Variants in NRXN1 observed in about 807,000 individuals in gnomAD.
NRXN1 encodes the protein neurexin 1, also known as neurexin-1.
NRXN1 carries 39 observed loss-of-function variants against 150.9 expected under a neutral mutation model. The observed-to-expected ratio is 0.26, with a 90% CI of 0.20 to 0.34. NRXN1 has a LOEUF of 0.34. Ranked by LOEUF, NRXN1 falls within the 10% of genes least tolerant of loss-of-function variation. The pLI is 1.00. For missense variants in NRXN1, 1,815 were observed against 1,949.9 expected, an observed-to-expected ratio of 0.93 and a Z score of 1.30; for synonymous variants, 924 against 757.0, an observed-to-expected ratio of 1.22 and a Z score of -3.62.
chr2:50,244,923 G>GA (rs146117173), intron 17 of NRXN1, among the ~76,000 whole-genome samples: 1,528 of 151,738 alleles, frequency 0.01, 25 homozygotes, highest in African/African-American at 0.035. Context: ...AAGATTATCA[G>GA]AAAAAAATGA....
rs77311774 is a variant in NRXN1, at chr2:50,241,297, A to G, written c.3365-4327T>C. 2.8e-4 allele frequency among the ~76,000 whole-genome samples: 43 copies of G among 151,902 alleles called. 1 individual carries two copies. In the East Asian group the frequency reaches 8.1e-3, roughly 29 times the overall value. The stretch of plus-strand genomic sequence containing the variant: ...TGCCAGCTAGCTTTTTAAAAATTTT[A>G]TCTTTACAGAAACATGTTTTATTTT... On this transcript the variant is annotated intron_variant, in intron 17 of 22. Coordinates refer to ENST00000401669, the MANE Select transcript of NRXN1 (RefSeq NM_001330078.2).
At chr2:50,411,980 T>A (rs1354853219) in intron 17 of NRXN1, among the ~76,000 whole-genome samples, 1 of 152,240 alleles carries the variant, frequency 6.6e-6, no homozygotes, top group Non-Finnish European at 1.5e-5. Context: ...GAAAAATTCT[T>A]CTGCCTTGGG....
intron 17 of NRXN1, among the ~76,000 whole-genome samples, chr2:50,274,403 G>A (rs904008635): frequency 2.7e-4 from 41 of 152,080 alleles, no homozygotes; most frequent in Admixed American, 2.6e-3. Context: ...TGGGGGTTGG[G>A]GGGCTACGGG....
At chr2:50,782,867 T>A (rs375816596) in intron 5 of NRXN1, among the ~76,000 whole-genome samples, 1 of 152,160 alleles carries the variant, frequency 6.6e-6, no homozygotes, top group East Asian at 1.9e-4. Flanking sequence ...AGAGAAAGAC[T>A]AATAAATGGT....
chr2:50,677,444 T>C lies in NRXN1; in HGVS notation c.833-53829A>G, dbSNP rs551279730. Reference sequence around the variant, plus strand: ...ACACTGTCTAAGAAACTCTACTGTATTTCAATCTCTTTTGCCAACTAGAGG... The same window carrying C: ...ACACTGTCTAAGAAACTCTACTGTACTTCAATCTCTTTTGCCAACTAGAGG... On this transcript the variant is annotated intron_variant, in intron 5 of 22. Coordinates refer to ENST00000401669, the MANE Select transcript of NRXN1 (RefSeq NM_001330078.2). Among the ~76,000 whole-genome samples the C allele has an allele frequency of 5.9e-4, 90 of 152,270 alleles. No homozygotes were observed. The South Asian group carries it at 0.018, about 31-fold the overall frequency.
At chr2:50,777,353 G>A (rs146438103) in intron 5 of NRXN1, among the ~76,000 whole-genome samples, 14 of 152,220 alleles carry the variant, frequency 9.2e-5, no homozygotes, top group African/African-American at 2.9e-4. Context: ...ATGCCTAAAA[G>A]CAAACATTTT....
intron 17 of NRXN1, among the ~76,000 whole-genome samples, chr2:50,414,820 C>T (rs1396241896): frequency 1.3e-5 from 2 of 151,842 alleles, no homozygotes; most frequent in Non-Finnish European, 2.9e-5. Context: ...GTCATATGAA[C>T]GTTCGTAATA....
intron 17 of NRXN1, among the ~76,000 whole-genome samples, chr2:50,462,346 T>C (rs138271829): frequency 9.2e-5 from 14 of 151,846 alleles, no homozygotes; most frequent in Admixed American, 7.9e-4. Context: ...AAAAAAATAT[T>C]GCCTCTGGTT....
At chr2:50,475,725 CTTTGATATAGCAAATAGTGATCTAAAG>C (rs1267398836) in intron 15 of NRXN1, among the ~76,000 whole-genome samples, 2 of 152,150 alleles carry the variant, frequency 1.3e-5, no homozygotes, top group South Asian at 4.2e-4. Context: ...TTTATAAACT[CTTTGATATAGCAAATAGTGATCTAAAG>C]TCCCTTGGTG....
chr2:50,910,012 T>G (rs1174664946), intron 5 of NRXN1, among the ~76,000 whole-genome samples: 1 of 150,048 alleles, frequency 6.7e-6, no homozygotes, highest in Non-Finnish European at 1.5e-5. Context: ...TAGCCTCAGC[T>G]ATTTTTTTTT....
At position 50,461,169 on chromosome 2, in the gene NRXN1, T is replaced by A. The variant is rs118103453; in HGVS notation, c.3364+4273A>T. Among the ~76,000 whole-genome samples, 334 of 152,080 alleles carry A rather than the reference T, an allele frequency of 2.2e-3. 7 individuals carry two copies. The East Asian group carries it at 0.044, about 20-fold the overall frequency. The stretch of plus-strand genomic sequence containing the variant: ...TGGTAAAAAGTCACAGGGAAGTGTA[T>A]TTTATCCTCATTTCAGCGAATGTTT... On this transcript the variant is annotated intron_variant, in intron 17 of 22. Coordinates refer to ENST00000401669, the MANE Select transcript of NRXN1 (RefSeq NM_001330078.2).
chr2:51,028,636 C>G lies in NRXN1; in HGVS notation c.-363G>C, dbSNP rs1671014101. The G allele has an allele frequency of 4.7e-6, 1 of 212,890 alleles. No individual in the cohort carries two copies. The highest frequency in any genetic ancestry group is 2.3e-5 in the African/African-American group (1 of 43,872). The allele number at this position is 212,890 out of a possible 1,614,324, so 13.2% of individuals were successfully genotyped here. On this transcript the variant is annotated 5_prime_UTR_variant, in exon 2 of 23. Coordinates refer to ENST00000401669, the MANE Select transcript of NRXN1 (RefSeq NM_001330078.2). The stretch of plus-strand genomic sequence containing the variant: ...GTCTGATTAACTAATTTAAGAGTAT[C>G]TGCAGTGTCAACAGATACTTAACTC...
At chr2:50,862,672 GTTTAT>G (rs1676318632) in intron 5 of NRXN1, among the ~76,000 whole-genome samples, 1 of 152,054 alleles carries the variant, frequency 6.6e-6, no homozygotes, top group Non-Finnish European at 1.5e-5. Flanking sequence ...CATGACTGCT[GTTTAT>G]TGAGTACCTA....
intron 21 of NRXN1, chr2:50,023,195 GA>G (rs998696774): frequency 2.0e-5 from 3 of 152,134 alleles, no homozygotes; most frequent in Non-Finnish European, 4.4e-5. Flanking sequence ...ATTCTTCCTG[GA>G]AAGAAAGTCC....
chr2:50,219,155 G>C (rs1020151622), intron 18 of NRXN1, among the ~76,000 whole-genome samples: 8 of 151,840 alleles, frequency 5.3e-5, no homozygotes, highest in African/African-American at 1.4e-4. Context: ...TTCTCAATTA[G>C]GTATTGCAGA....
At chr2:50,201,142 C>A (rs1374304139) in intron 18 of NRXN1, among the ~76,000 whole-genome samples, 1 of 152,106 alleles carries the variant, frequency 6.6e-6, no homozygotes, top group African/African-American at 2.4e-5. Context: ...CTATCCAAGG[C>A]ACCGTACTAA....
At chr2:50,052,298 T>G (rs1692840665) in intron 21 of NRXN1, among the ~76,000 whole-genome samples, 1 of 152,136 alleles carries the variant, frequency 6.6e-6, no homozygotes, top group African/African-American at 2.4e-5. Context: ...AAATGGCACC[T>G]ACTGAATATA....
At chr2:50,362,389 T>C (rs1201406742) in intron 17 of NRXN1, among the ~76,000 whole-genome samples, 3 of 152,156 alleles carry the variant, frequency 2.0e-5, no homozygotes, top group African/African-American at 7.2e-5. Context: ...GATGAGCAAA[T>C]TCAACAAAAT....
chr2:50,825,698 G>A (rs1469202816), intron 5 of NRXN1, among the ~76,000 whole-genome samples: 1 of 152,176 alleles, frequency 6.6e-6, no homozygotes, highest in Non-Finnish European at 1.5e-5. Flanking sequence ...TCTGTGAGCT[G>A]CTCTCGCAAA....
Sources: gnomAD v4.1 joint callset for allele counts (sites outside exome capture counted in the v4.1 genomes callset) on GRCh38, gnomAD v4.1.1 for gene constraint, MANE v1.5 for transcripts, NCBI Gene and HGNC (gene_info 2026-07-23, HGNC 2026-07-21) for gene names.